Variants in TSPAN18 observed in about 807,000 individuals in gnomAD.
TSPAN18 encodes the protein tetraspanin-18.
In TSPAN18, 14 loss-of-function variants were observed where a neutral mutation model predicts 27.3. That is an observed-to-expected ratio of 0.51 (90% CI 0.34 to 0.80). The LOEUF (loss-of-function observed/expected upper bound fraction) is 0.80. Ranked by LOEUF, TSPAN18 falls within the 30% of genes least tolerant of loss-of-function variation. The pLI is 0.01. For synonymous variants in TSPAN18, 143 were observed against 136.5 expected (o/e 1.05, Z -0.33); for missense variants, 268 against 323.9 (o/e 0.83, Z 1.32).
chr11:44,920,929 C>G (rs1362929384), intron 8 of TSPAN18, among the ~76,000 whole-genome samples: 1 of 152,212 alleles, frequency 6.6e-6, no homozygotes, highest in Non-Finnish European at 1.5e-5. Context: ...GAAATAAAAC[C>G]AGATGAGGGG....
intron 2 of TSPAN18, among the ~76,000 whole-genome samples, chr11:44,823,161 C>G (rs1856963079): frequency 6.6e-6 from 1 of 152,226 alleles, no homozygotes. Flanking sequence ...GCAACGCCCC[C>G]CCACTGCCCA....
chr11:44,774,518 G>T (rs1231113435), intron 2 of TSPAN18, among the ~76,000 whole-genome samples: 1 of 152,188 alleles, frequency 6.6e-6, no homozygotes, highest in Admixed American at 6.5e-5. Flanking sequence ...AGGAGACCTG[G>T]GGTGACAGAG....
intron 1 of TSPAN18, among the ~76,000 whole-genome samples, chr11:44,764,147 A>C (rs1028397724): frequency 6.6e-6 from 1 of 152,172 alleles, no homozygotes; most frequent in African/African-American, 2.4e-5. Flanking sequence ...GTGCTAACCC[A>C]TTCATGAGAA....
chr11:44,892,966 TG>T (rs1858903051), intron 3 of TSPAN18, among the ~76,000 whole-genome samples: 1 of 152,166 alleles, frequency 6.6e-6, no homozygotes, highest in South Asian at 2.1e-4. Context: ...CCTCAATTGG[TG>T]GGAAGAGCAG....
intron 2 of TSPAN18, among the ~76,000 whole-genome samples, chr11:44,781,841 G>C (rs1855946595): frequency 6.6e-6 from 1 of 152,230 alleles, no homozygotes; most frequent in South Asian, 2.1e-4. Context: ...GCCCTCCCCA[G>C]TTAATCTCTG....
chr11:44,891,638 C>T (rs527326238), intron 3 of TSPAN18, among the ~76,000 whole-genome samples: 13 of 152,268 alleles, frequency 8.5e-5, no homozygotes, highest in Admixed American at 3.3e-4. Context: ...GCAGCGGACA[C>T]GGTGAGGATT....
chr11:44,736,973 G>A lies in TSPAN18; in HGVS notation c.-240+9686G>A, dbSNP rs796128650. 5.9e-5 allele frequency among the ~76,000 whole-genome samples: 9 copies of A among 152,338 alleles called. No individual in the cohort carries two copies. In the East Asian group the frequency reaches 9.6e-4, roughly 16 times the overall value. On this transcript the variant is annotated intron_variant, in intron 1 of 9. Coordinates refer to ENST00000520358, the MANE Select transcript of TSPAN18 (RefSeq NM_130783.5). ...CATCTGTTTTCCTCCATAGAGTGAG[G>A]GCGGAGATGTTTCTGTTTGGTTTTC... is the stretch of plus-strand genomic sequence containing the variant.
chr11:44,876,503 G>A (rs1858336845), intron 3 of TSPAN18, among the ~76,000 whole-genome samples: 1 of 152,166 alleles, frequency 6.6e-6, no homozygotes, highest in African/African-American at 2.4e-5. Context: ...AGAAATCAGG[G>A]AAGGCTTCAT....
At chr11:44,927,441 G>A (rs527950135) in intron 9 of TSPAN18, among the ~76,000 whole-genome samples, 4 of 152,270 alleles carry the variant, frequency 2.6e-5, no homozygotes, top group South Asian at 2.1e-4. Context: ...CTCGGCCTGC[G>A]GGGGAAGGAA....
At position 44,878,174 on chromosome 11, in the gene TSPAN18, C is replaced by T. The variant is rs190559069; in HGVS notation, c.-11+17705C>T. Among the ~76,000 whole-genome samples the T allele has an allele frequency of 3.3e-3, 493 of 151,486 alleles. 2 individuals are homozygous for T. Among genetic ancestry groups the T allele is most frequent in the African/African-American group, 0.011 (469 of 41,268 alleles). On this transcript the variant is annotated intron_variant, in intron 3 of 9. Transcript: ENST00000520358. ...TCCACCCCAGACACCCCAGGGGACT[C>T]CTTCCCAGGCCTCCCCAGATTAGAC...
At chr11:44,924,779 A>C (rs966277653) in intron 8 of TSPAN18, among the ~76,000 whole-genome samples, 2 of 152,202 alleles carry the variant, frequency 1.3e-5, no homozygotes, top group African/African-American at 4.8e-5. Context: ...GCATTAGGAG[A>C]TATACCTAAT....
rs1860018500 is a variant in TSPAN18 at position 44,918,949 on chromosome 11, G to A, written c.334-265G>A. The stretch of plus-strand genomic sequence containing the variant: ...CCCAGATAAGCCCTCCCTCTGGGCA[G>A]AGCTGCAGGTGGAGTGAGGTCCTCA... On this transcript the variant is annotated intron_variant, in intron 6 of 9. Transcript: ENST00000520358. 3.3e-5 allele frequency among the ~76,000 whole-genome samples: 5 copies of A among 152,014 alleles called. No homozygotes were observed. The South Asian group carries it at 1.0e-3, about 32-fold the overall frequency.
At chr11:44,904,604 A>G (rs1859388854) in intron 3 of TSPAN18, among the ~76,000 whole-genome samples, 1 of 152,194 alleles carries the variant, frequency 6.6e-6, no homozygotes, top group Non-Finnish European at 1.5e-5. Flanking sequence ...CATGGATTCA[A>G]ATGCACTTAA....
intron 3 of TSPAN18, among the ~76,000 whole-genome samples, chr11:44,871,993 G>A (rs774778323): frequency 6.6e-6 from 1 of 151,868 alleles, no homozygotes; most frequent in African/African-American, 2.4e-5. Flanking sequence ...ACACAATCTC[G>A]GCTCACTGCA....
chr11:44,840,598 A>C (rs1185549031), intron 2 of TSPAN18, among the ~76,000 whole-genome samples: 1 of 152,214 alleles, frequency 6.6e-6, no homozygotes, highest in African/African-American at 2.4e-5. Context: ...GAGGTGAGGC[A>C]CAGATTCCCA....
At chr11:44,785,526 C>G (rs1220738045) in intron 2 of TSPAN18, among the ~76,000 whole-genome samples, 2 of 151,586 alleles carry the variant, frequency 1.3e-5, no homozygotes, top group African/African-American at 4.9e-5. Flanking sequence ...CCCTGCCCCC[C>G]ACCGCCCCCT....
intron 2 of TSPAN18, among the ~76,000 whole-genome samples, chr11:44,831,131 AAAAC>A (rs924898870): frequency 5.9e-5 from 9 of 152,122 alleles, no homozygotes; most frequent in African/African-American, 2.2e-4. Flanking sequence ...CAACAACAAC[AAAAC>A]AAACAAACAA....
chr11:44,929,516 T>A lies in TSPAN18; in HGVS notation c.*338T>A, dbSNP rs73456446. On this transcript the variant is annotated 3_prime_UTR_variant, in exon 10 of 10. Coordinates refer to ENST00000520358, the MANE Select transcript of TSPAN18 (RefSeq NM_130783.5). ...CAGCCAGACCCTGGGCCCTCTCTCCTCACTGCACCAGGACCTGATGCCAAG... is the reference window on the plus strand; with the variant it reads ...CAGCCAGACCCTGGGCCCTCTCTCCACACTGCACCAGGACCTGATGCCAAG... The A allele has an allele frequency of 0.024, 7,471 of 314,518 alleles. 371 individuals carry two copies. Among genetic ancestry groups the A allele is most frequent in the African/African-American group, 0.12 (5,674 of 46,824 alleles). The allele number at this position is 314,518 out of a possible 1,614,324, so 19.5% of individuals were successfully genotyped here. A position where few individuals can be genotyped will look rare whatever the true frequency, so the allele number is the denominator to read the frequency against.
chr11:44,881,213 C>T (rs747819703), intron 3 of TSPAN18, among the ~76,000 whole-genome samples: 7 of 152,282 alleles, frequency 4.6e-5, no homozygotes, highest in Middle Eastern at 3.4e-3. Context: ...GTCTGGCACT[C>T]GCAGATCTGT....
Sources: allele counts gnomAD v4.1 joint callset (sites outside exome capture counted in the v4.1 genomes callset), GRCh38; gene constraint gnomAD v4.1.1; transcripts MANE v1.5; gene names NCBI Gene and HGNC (gene_info 2026-07-23, HGNC 2026-07-21).